Variants in NAV3 observed in about 807,000 individuals in gnomAD.
The protein encoded by NAV3 is pore membrane and/or filament interacting like protein 1.
Under a neutral mutation model 244.7 loss-of-function variants are expected in NAV3, and 87 were observed. That is an observed-to-expected ratio of 0.36 (90% CI 0.30 to 0.42). The LOEUF (loss-of-function observed/expected upper bound fraction) is 0.42. NAV3 is among the 20% of genes least tolerant of loss of function. The pLI, the probability that NAV3 is intolerant of heterozygous loss-of-function variation, is 1.00. For missense variants in NAV3, 2,663 were observed against 2,893.3 expected (o/e 0.92, Z 1.83); for synonymous variants, 1,126 against 1,042.2 (o/e 1.08, Z -1.55).
Position 77,766,735 on chromosome 12 carries a change from G to GTTTTTTTT in NAV3, c.73-173555_73-173548dup, listed in dbSNP as rs748531378. 8.8e-4 allele frequency among the ~76,000 whole-genome samples: 53 copies of GTTTTTTTT among 60,512 alleles called. 8 individuals are homozygous for GTTTTTTTT. The highest frequency in any genetic ancestry group is 2.4e-3 in the African/African-American group (38 of 15,834). 39.7% of individuals were successfully genotyped at this position (60,512 alleles called of 152,430 possible). A position where few individuals can be genotyped will look rare whatever the true frequency, so the allele number is the denominator to read the frequency against. ...AGGATTCTAAAAAACAGGCAATTAA[G>GTTTTTTTT]TTTTTTTTTTTTTTTTTTTTTTTTT... On this transcript the variant is annotated intron_variant, in intron 2 of 8. Coordinates refer to the NAV3 transcript ENST00000550042.
At chr12:78,140,824 T>G (rs1319549288) in intron 20 of NAV3, among the ~76,000 whole-genome samples, 1 of 66,348 alleles carries the variant, frequency 1.5e-5, no homozygotes, top group Non-Finnish European at 3.1e-5. Flanking sequence ...ACCAGAGATG[T>G]TTTTTTTTAA....
chr12:77,698,743 T>A (rs937592350), intron 2 of NAV3, among the ~76,000 whole-genome samples: 2 of 152,182 alleles, frequency 1.3e-5, no homozygotes, highest in African/African-American at 4.8e-5. Context: ...GGTATCCTCC[T>A]GAAGGCTGGT....
intron 2 of NAV3, among the ~76,000 whole-genome samples, chr12:77,665,993 T>C (rs993018909): frequency 6.6e-6 from 1 of 152,180 alleles, no homozygotes; most frequent in Non-Finnish European, 1.5e-5. Flanking sequence ...ATAAACTCTT[T>C]TTGACAGATT....
chr12:77,968,490 TC>T (rs754464902), intron 4 of NAV3, 28 bp from the exon 5 acceptor site: 1 of 1,551,218 alleles, frequency 6.4e-7, no homozygotes, highest in East Asian at 2.2e-5. Context: ...TACATATGAT[TC>T]TTTTTTTGTA....
chr12:77,859,553 G>C (rs1244810432), intron 1 of NAV3, among the ~76,000 whole-genome samples: 2 of 150,648 alleles, frequency 1.3e-5, no homozygotes, highest in Admixed American at 6.7e-5. Flanking sequence ...CACCAGCATG[G>C]CACATGTATA....
intron 5 of NAV3, among the ~76,000 whole-genome samples, chr12:77,982,946 A>G (rs1869830641): frequency 6.6e-6 from 1 of 152,166 alleles, no homozygotes; most frequent in South Asian, 2.1e-4. Context: ...AGCAGCTTCA[A>G]GCCCACTCAG....
chr12:78,042,645 G>A (rs1238926395), intron 9 of NAV3, among the ~76,000 whole-genome samples: 2 of 152,070 alleles, frequency 1.3e-5, no homozygotes, highest in African/African-American at 4.8e-5. Flanking sequence ...ACAAAAATTA[G>A]CCGGGCATGG....
chr12:77,823,901 G>C (rs60232238), intron 2 of NAV3, among the ~76,000 whole-genome samples: 26,583 of 152,110 alleles, frequency 0.17, 2,834 homozygotes, highest in Middle Eastern at 0.24. Context: ...AATGTGATAA[G>C]GAGAGACATG....
intron 1 of NAV3, among the ~76,000 whole-genome samples, chr12:77,931,991 C>A (rs1359207378): frequency 6.6e-6 from 1 of 151,874 alleles, no homozygotes; most frequent in Non-Finnish European, 1.5e-5. Flanking sequence ...TAATGATGGC[C>A]AGCTCATTGA....
chr12:77,967,092 A>G (rs562805668), intron 4 of NAV3, among the ~76,000 whole-genome samples: 17 of 152,206 alleles, frequency 1.1e-4, no homozygotes, highest in Non-Finnish European at 2.5e-4. Context: ...TAGTTCTGTA[A>G]CTTCGAATAA....
intron 2 of NAV3, among the ~76,000 whole-genome samples, chr12:77,752,707 T>TTA (rs1868922787): frequency 6.6e-6 from 1 of 152,186 alleles, no homozygotes; most frequent in Admixed American, 6.6e-5. Flanking sequence ...GAGATATTAA[T>TTA]AGTCTCTACT....
intron 2 of NAV3, among the ~76,000 whole-genome samples, chr12:77,812,216 G>A (rs1872318719): frequency 6.6e-6 from 1 of 151,966 alleles, no homozygotes; most frequent in African/African-American, 2.4e-5. Flanking sequence ...CTGACCTTAT[G>A]CCCTCCTTGG....
At chr12:77,862,501 T>C (rs1879394101) in intron 1 of NAV3, among the ~76,000 whole-genome samples, 1 of 151,734 alleles carries the variant, frequency 6.6e-6, no homozygotes, top group South Asian at 2.1e-4. Flanking sequence ...GCAGAATCAG[T>C]TGAATAATTT....
At position 77,865,314 on chromosome 12, in the gene NAV3, A is replaced by C. The variant is rs551940191; in HGVS notation, c.243+33610A>C. Among the ~76,000 whole-genome samples the C allele has an allele frequency of 2.0e-5, 3 of 152,178 alleles. No individual in the cohort carries two copies. In the East Asian group the frequency reaches 5.8e-4, roughly 29 times the overall value. On this transcript the variant is annotated intron_variant, in intron 1 of 39. Transcript: ENST00000397909. Reference sequence around the variant, plus strand: ...TGTGAAAGGTTTCTATTGAATAAGAAAGAAAAACAGATGATTTCCTTTACC... The same window carrying C: ...TGTGAAAGGTTTCTATTGAATAAGACAGAAAAACAGATGATTTCCTTTACC...
At chr12:77,951,774 A>G (rs534238688) in intron 3 of NAV3, among the ~76,000 whole-genome samples, 3 of 152,338 alleles carry the variant, frequency 2.0e-5, no homozygotes, top group South Asian at 2.1e-4. Context: ...TTGTAGGGAC[A>G]TGGATGAAGC....
At chr12:77,698,055 A>G (rs1018503513) in intron 2 of NAV3, among the ~76,000 whole-genome samples, 15 of 152,138 alleles carry the variant, frequency 9.9e-5, no homozygotes, top group African/African-American at 3.4e-4. Context: ...AAGGGATGAC[A>G]AAATAAACTG....
intron 2 of NAV3, among the ~76,000 whole-genome samples, chr12:77,639,581 G>A (rs1872305799): frequency 6.6e-6 from 1 of 152,186 alleles, no homozygotes; most frequent in South Asian, 2.1e-4. Context: ...CAAAGTTGAT[G>A]TGAAGGAGAA....
chr12:77,725,459 C>A (rs1319216780), intron 2 of NAV3, among the ~76,000 whole-genome samples: 1 of 148,956 alleles, frequency 6.7e-6, no homozygotes, highest in Non-Finnish European at 1.5e-5. Context: ...ATTTAACATG[C>A]CTTTGCAAGT....
chr12:78,095,045 TTA>T lies in NAV3; in HGVS notation c.2637-21708_2637-21707del, dbSNP rs368659738. 2.6e-3 allele frequency among the ~76,000 whole-genome samples: 323 copies of T among 123,812 alleles called. 4 individuals are homozygous for T. The highest frequency in any genetic ancestry group is 6.3e-3 in the African/African-American group (222 of 35,274). The allele number at this position is 123,812 out of a possible 152,430, so 81.2% of individuals were successfully genotyped here. On this transcript the variant is annotated intron_variant, in intron 12 of 39. Coordinates refer to ENST00000397909, the MANE Select transcript of NAV3 (RefSeq NM_001024383.2). The stretch of plus-strand genomic sequence containing the variant: ...CCGGTGACAGAGACTCCATATCAAA[TTA>T]TATATATATATATATATACACACAC...
Sources: gnomAD v4.1 joint callset for allele counts (sites outside exome capture counted in the v4.1 genomes callset) on GRCh38, gnomAD v4.1.1 for gene constraint, MANE v1.5 for transcripts, NCBI Gene and HGNC (gene_info 2026-07-23, HGNC 2026-07-21) for gene names.